The following KHNYN variants were observed in gnomAD, a reference collection of about 807,000 sequenced individuals.
KHNYN encodes the protein protein KHNYN.
In KHNYN, 42 loss-of-function variants were observed where a neutral mutation model predicts 62.7. The ratio of observed to expected loss-of-function variants is 0.67; its 90% CI spans 0.52 to 0.87. The LOEUF is 0.87. KHNYN is among the 40% of genes least tolerant of loss of function. KHNYN has a pLI of 0.00. For missense variants in KHNYN, 829 were observed against 874.1 expected (o/e 0.95, Z 0.65); for synonymous variants, 347 against 345.6 (o/e 1.00, Z -0.04).
upstream of KHNYN, chr14:24,429,692 C>T: frequency 1.0e-6 from 1 of 985,414 alleles, no homozygotes; most frequent in Non-Finnish European, 1.2e-6. Flanking sequence ...TCGGCCACAT[C>T]TTTATTCGCG....
chr14:24,432,133 CAGTG>C lies in KHNYN; in HGVS notation c.873_876del (p.Gly293GlufsTer9). ...AGAGAAGTGGCCCTCAGGCCACAGT[CAGTG>C]GGTGGAGGGGCAAGGGAGTCAGCAC... On this transcript the variant is annotated frameshift_variant, in exon 3 of 8. Coordinates refer to ENST00000553935, the MANE Select transcript of KHNYN (RefSeq NM_015299.3). LOFTEE classifies it high-confidence loss of function. The surrounding 1 kb of genome is among the most constrained non-coding windows in gnomAD (Gnocchi z 5.6). The C allele has an allele frequency of 6.4e-7, 1 of 1,552,836 alleles. No homozygotes were observed.
At chr14:24,434,122 T>C (rs977392370) in intron 5 of KHNYN, 20 of 984,162 alleles carry the variant, frequency 2.0e-5, no homozygotes, top group East Asian at 1.1e-4. Flanking sequence ...ACCCAAGATA[T>C]GGAATCTTCT....
At chr14:24,433,133 C>A in intron 5 of KHNYN, 101 bp downstream of exon 5, 1 of 1,140,944 alleles carries the variant, frequency 8.8e-7, no homozygotes, top group Non-Finnish European at 1.3e-6. Context: ...GTTTCTAAGC[C>A]TTGGTGGTGG....
At chr14:24,434,392 T>C (rs2139390329) in intron 5 of KHNYN, 1 of 984,858 alleles carries the variant, frequency 1.0e-6, no homozygotes. Context: ...ATACCATAAG[T>C]GTACCATATA....
intron 5 of KHNYN, 60 bp downstream of exon 5, chr14:24,433,092 G>A: frequency 6.8e-7 from 1 of 1,477,564 alleles, no homozygotes; most frequent in Non-Finnish European, 9.5e-7. Context: ...GAAGACTGAG[G>A]GAGAGAGAAA....
intron 5 of KHNYN, 161 bp from the exon 6 acceptor site, chr14:24,435,911 A>T: frequency 1.6e-6 from 1 of 630,252 alleles, no homozygotes; most frequent in Admixed American, 2.8e-5. Context: ...TTTTACTTTT[A>T]TTTTTGTAGA....
At chr14:24,427,903 A>G, upstream of KHNYN, 1 of 1,614,082 alleles carries the variant, frequency 6.2e-7, no homozygotes, top group Non-Finnish European at 8.5e-7. The surrounding 1 kb of genome is among the most constrained non-coding windows in gnomAD (Gnocchi z 4.4). Flanking sequence ...GCAGTAGCAC[A>G]GAGCTGGTGG....
upstream of KHNYN, chr14:24,428,331 G>A: frequency 6.2e-7 from 1 of 1,613,992 alleles, no homozygotes. Context: ...GGAACCGGAA[G>A]CTGTAGACAC....
Position 24,438,702 on chromosome 14 carries a change from C to T in KHNYN, c.*1417C>T, listed in dbSNP as rs1199425996. ...TTAGTGCAGCCTAAAGTATGCTTTT[C>T]TGTTACATCCACCTTTGAGGCTGGT... On this transcript the variant is annotated 3_prime_UTR_variant, in exon 8 of 8. Coordinates refer to ENST00000553935, the MANE Select transcript of KHNYN (RefSeq NM_015299.3). The T allele has an allele frequency of 3.9e-5, 6 of 152,198 alleles. No homozygotes were observed. Among genetic ancestry groups the T allele is most frequent in the Non-Finnish European group, 8.8e-5 (6 of 68,040 alleles). 9.4% of individuals were successfully genotyped at this position (152,198 alleles called of 1,614,324 possible).
rs371901244 is a variant in KHNYN at position 24,440,235 on chromosome 14, G to A, written c.*2950G>A. ...ACAGCTTGCACCACAGCGCTGGGGA[G>A]AGGGATGAAGGCTCGGCGGCCCAGG... On this transcript the variant is annotated 3_prime_UTR_variant, in exon 8 of 8. Coordinates refer to ENST00000553935, the MANE Select transcript of KHNYN (RefSeq NM_015299.3). 6.2e-7 allele frequency: 1 copy of A among 1,613,934 alleles called. No homozygotes were observed. Among genetic ancestry groups the A allele is most frequent in the South Asian group, 1.1e-5 (1 of 91,086 alleles).
chr14:24,440,953 C>T lies in KHNYN; in HGVS notation c.*3668C>T, dbSNP rs1242070322. ...TGCCGGTGGAACACAATCATTTGCC[C>T]TGGGTGTCCTTGGTCCTGCCTGGCT... On this transcript the variant is annotated 3_prime_UTR_variant, in exon 8 of 8. Transcript: ENST00000553935. 1.2e-6 allele frequency: 2 copies of T among 1,613,788 alleles called. No individual in the cohort carries two copies. Among genetic ancestry groups the T allele is most frequent in the South Asian group, 2.2e-5 (2 of 91,026 alleles).
At chr14:24,428,603 T>C, upstream of KHNYN, 2 of 1,039,670 alleles carry the variant, frequency 1.9e-6, no homozygotes, top group Non-Finnish European at 2.8e-6. Flanking sequence ...GGGGAAACCG[T>C]CGGTGGGGTG....
Position 24,437,059 on chromosome 14 carries a change from A to T in KHNYN, c.1811A>T (p.Gln604Leu). ...AGGACACAGGGGTCTTCTAAGGCTCAGCATCCTTCCAGGGGCTTTGCAGAA... is the reference window on the plus strand; with the variant it reads ...AGGACACAGGGGTCTTCTAAGGCTCTGCATCCTTCCAGGGGCTTTGCAGAA... ...PARTQGSSKA[Q>L]HPSRGFAEHG... The change falls in exon 8 of 8, where the codon CAG becomes CTG. Residue 604 changes from glutamine (Q) to leucine (L), a missense_variant. Coordinates refer to ENST00000553935, the MANE Select transcript of KHNYN (RefSeq NM_015299.3). This position sits in a 1 kb window ranked among gnomAD's most constrained non-coding sequence, Gnocchi z 5.5. 1 of 1,614,188 alleles carries T rather than the reference A, an allele frequency of 6.2e-7. No homozygotes were observed. The highest frequency in any genetic ancestry group is 8.5e-7 in the Non-Finnish European group (1 of 1,180,018).
rs1271437940 is a variant in KHNYN, at chr14:24,441,247, G to C, written c.*3962G>C. ...TTGATGCAAGTTACTTAACCTCTCT[G>C]TATAGAATTTTCACATCTTTAAAAT... On this transcript the variant is annotated 3_prime_UTR_variant, in exon 8 of 8. Coordinates refer to ENST00000553935, the MANE Select transcript of KHNYN (RefSeq NM_015299.3). 12 of 468,976 alleles carry C rather than the reference G, an allele frequency of 2.6e-5. No homozygotes were observed. The highest frequency in any genetic ancestry group is 1.9e-4 in the South Asian group (9 of 47,354). 29.1% of individuals were successfully genotyped at this position (468,976 alleles called of 1,614,324 possible).
At chr14:24,433,809 G>A (rs56377037) in intron 5 of KHNYN, among the ~76,000 whole-genome samples, 5,984 of 152,252 alleles carry the variant, frequency 0.039, 426 homozygotes, top group African/African-American at 0.14. Flanking sequence ...TAGCAAAGGG[G>A]AATTAGACCT....
upstream of KHNYN, chr14:24,428,635 G>A: frequency 1.6e-6 from 2 of 1,251,066 alleles, no homozygotes; most frequent in South Asian, 1.4e-5. Flanking sequence ...GGCCAGATTA[G>A]TGAAAGATGT....
At chr14:24,430,526 TC>T (rs2043087486) in intron 1 of KHNYN, 187 bp from the exon 2 acceptor site, 9 of 1,397,570 alleles carry the variant, frequency 6.4e-6, no homozygotes, top group Non-Finnish European at 8.4e-6. Context: ...TACCGGGACT[TC>T]CTCTCCGGAG....
Position 24,437,748 on chromosome 14 carries a change from G to A in KHNYN, c.*463G>A, listed in dbSNP as rs1052150385. On this transcript the variant is annotated 3_prime_UTR_variant, in exon 8 of 8. Transcript: ENST00000553935. This position sits in a 1 kb window ranked among gnomAD's most constrained non-coding sequence, Gnocchi z 5.5. ...AGGAGATGCTAGGCCCTGGCACAGTGTTATGTGGACTGGGCCACGATAGGG... is the reference window on the plus strand; with the variant it reads ...AGGAGATGCTAGGCCCTGGCACAGTATTATGTGGACTGGGCCACGATAGGG... 1 of 158,484 alleles carries A rather than the reference G, an allele frequency of 6.3e-6. No homozygotes were observed. The highest frequency in any genetic ancestry group is 1.4e-5 in the Non-Finnish European group (1 of 71,722). The allele number at this position is 158,484 out of a possible 1,614,324, so 9.8% of individuals were successfully genotyped here. A position where few individuals can be genotyped will look rare whatever the true frequency, so the allele number is the denominator to read the frequency against.
In KHNYN at chr14:24,440,616, A is replaced by G; in HGVS notation, c.*3331A>G. 2 of 1,375,858 alleles carry G rather than the reference A, an allele frequency of 1.5e-6. No individual in the cohort carries two copies. The highest frequency in any genetic ancestry group is 2.0e-6 in the Non-Finnish European group (2 of 997,086). 85.2% of individuals were successfully genotyped at this position (1,375,858 alleles called of 1,614,324 possible). A position where few individuals can be genotyped will look rare whatever the true frequency, so the allele number is the denominator to read the frequency against. On this transcript the variant is annotated 3_prime_UTR_variant, in exon 8 of 8. Transcript: ENST00000553935. The stretch of plus-strand genomic sequence containing the variant: ...CTGACTTGGCTCTGTAACAGAAGTG[A>G]GCAGTATGGCTGTCTTTAAGACCTC...
Sources: gnomAD v4.1 joint callset for allele counts (sites outside exome capture counted in the v4.1 genomes callset) on GRCh38, gnomAD v4.1.1 for gene constraint, Gnocchi (gnomAD v3.1) non-coding constraint, MANE v1.5 for transcripts, NCBI Gene and HGNC (gene_info 2026-07-23, HGNC 2026-07-21) for gene names.